Variants in BBS1 observed in about 807,000 individuals in gnomAD.
The protein encoded by BBS1 is Bardet-Biedl syndrome 1.
A neutral mutation model predicts 73.9 loss-of-function variants in BBS1; 60 were observed. That is an observed-to-expected ratio of 0.81 (90% CI 0.66 to 1.01). The LOEUF (loss-of-function observed/expected upper bound fraction) is 1.01. Among genes scored for constraint, BBS1 ranks in the 50% least tolerant of loss-of-function variants. BBS1 has a pLI of 0.00. For synonymous variants in BBS1, 283 were observed against 317.4 expected (o/e 0.89, Z 1.15); for missense variants, 718 against 770.3 (o/e 0.93, Z 0.80).
rs762566248 is a variant in BBS1 at position 66,523,514 on chromosome 11, C to T, written c.889C>T (p.Arg297Trp). 3.0e-5 allele frequency: 49 copies of T among 1,614,082 alleles called. No individual in the cohort carries two copies. The highest frequency in any genetic ancestry group is 1.6e-4 in the Middle Eastern group (1 of 6,062). Reference protein sequence around the residue: ...ELSAQPVGLIRVHKVLVVGST... With the variant: ...ELSAQPVGLIWVHKVLVVGST... ...GAGCGCCCAGCCTGTGGGACTTATC[C>T]GGGTACACAAGGTCCTAGTGGTGGG... The change falls in exon 10 of 17, where the codon CGG becomes TGG. Residue 297 changes from arginine (R) to tryptophan (W), a missense_variant. Transcript: ENST00000318312.
chr11:66,520,191 C>G (rs910763971), intron 8 of BBS1: 2 of 185,638 alleles, frequency 1.1e-5, no homozygotes, highest in African/African-American at 4.7e-5. Flanking sequence ...TAAATAAAAG[C>G]AGGAGGATCA....
intron 3 of BBS1, among the ~76,000 whole-genome samples, chr11:66,512,009 T>C (rs1317355839): frequency 6.8e-6 from 1 of 146,122 alleles, no homozygotes; most frequent in Non-Finnish European, 1.5e-5. Flanking sequence ...AAAAAATATA[T>C]ATATATATAT....
At position 66,526,308 on chromosome 11, in the gene BBS1, T is replaced by C. The variant is rs3819247; in HGVS notation, c.1180+116T>C. 0.24 allele frequency: 260,199 copies of C among 1,074,340 alleles called. 32,964 individuals are homozygous for C. Among genetic ancestry groups the C allele is most frequent in the East Asian group, 0.26 (10,356 of 39,884 alleles). 66.6% of individuals were successfully genotyped at this position (1,074,340 alleles called of 1,614,324 possible). A position where few individuals can be genotyped will look rare whatever the true frequency, so the allele number is the denominator to read the frequency against. Reference sequence around the variant, plus strand: ...CATGGGTGGACCTGGGTGTGGAAAGTAAGGCCTACAGAAGTGTCCTTCTGG... The same window carrying C: ...CATGGGTGGACCTGGGTGTGGAAAGCAAGGCCTACAGAAGTGTCCTTCTGG... On this transcript the variant is annotated intron_variant, in intron 12 of 16. Coordinates refer to ENST00000318312, the MANE Select transcript of BBS1 (RefSeq NM_024649.5).
intron 7 of BBS1, 25 bp downstream of exon 7, chr11:66,515,958 T>A (rs775666093): frequency 6.2e-7 from 1 of 1,612,622 alleles, no homozygotes; most frequent in South Asian, 1.1e-5. Context: ...TCTTTTTATT[T>A]CCCTGTAAAA....
At chr11:66,516,844 G>T (rs1200720506) in intron 7 of BBS1, among the ~76,000 whole-genome samples, 1 of 152,062 alleles carries the variant, frequency 6.6e-6, no homozygotes, top group Non-Finnish European at 1.5e-5. Context: ...GGAATGAGCT[G>T]CTGTGCCCAG....
At chr11:66,525,745 A>G (rs1856462102) in intron 11 of BBS1, among the ~76,000 whole-genome samples, 1 of 152,206 alleles carries the variant, frequency 6.6e-6, no homozygotes, top group South Asian at 2.1e-4. Flanking sequence ...TCAAATGTGG[A>G]AGGCCTTCAG....
chr11:66,530,366 A>G (rs1275137316), intron 14 of BBS1, among the ~76,000 whole-genome samples: 1 of 152,126 alleles, frequency 6.6e-6, no homozygotes, highest in Middle Eastern at 3.2e-3. Context: ...CTCACCCGCA[A>G]GCACCGAGAC....
At chr11:66,526,336 C>G (rs1856489707) in intron 12 of BBS1, 144 bp downstream of exon 12, 2 of 883,428 alleles carry the variant, frequency 2.3e-6, no homozygotes, top group Middle Eastern at 6.4e-4. Flanking sequence ...CCTTCTGGAG[C>G]TAGGCCTCCA....
At chr11:66,526,918 A>G (rs1856536872) in intron 13 of BBS1, 111 bp downstream of exon 13, 4 of 1,605,546 alleles carry the variant, frequency 2.5e-6, no homozygotes, top group African/African-American at 1.3e-5. Context: ...ATCTCGGCCA[A>G]CTAGGTAGGT....
chr11:66,518,906 T>C (rs1671065), intron 7 of BBS1, among the ~76,000 whole-genome samples: 99,174 of 151,906 alleles, frequency 0.65, 33,863 homozygotes, highest in African/African-American at 0.86. Flanking sequence ...TACAGATGCA[T>C]GCCATCGCAC....
In BBS1 at chr11:66,519,632, A is replaced by G. The variant is rs1369381964; in HGVS notation, c.607A>G (p.Met203Val). The change falls in exon 8 of 17, where the codon ATG (methionine) becomes GTG (valine). Residue 203 changes from methionine to valine, a missense_variant. Physicochemically the swap from Met to Val is conservative, Grantham distance 21 (BLOSUM62 1). Transcript: ENST00000318312. ...SIKRQTVITT[M>V]TTLKKNLADE... ...CCTTCTGTAGACAGTCATCACCACC[A>G]TGACCACCTTGAAGAAGAACCTGGC... 1 of 1,613,860 alleles carries G rather than the reference A, an allele frequency of 6.2e-7. No individual in the cohort carries two copies. The highest frequency in any genetic ancestry group is 2.2e-5 in the East Asian group (1 of 44,852).
intron 12 of BBS1, among the ~76,000 whole-genome samples, 155 bp downstream of exon 12, chr11:66,526,347 C>T (rs1443419798): frequency 6.6e-6 from 1 of 152,338 alleles, no homozygotes; most frequent in East Asian, 1.9e-4. Flanking sequence ...TAGGCCTCCA[C>T]TGGGACAGCC....
intron 9 of BBS1, 89 bp from the exon 10 acceptor site, chr11:66,523,367 T>A: frequency 6.3e-7 from 1 of 1,580,556 alleles, no homozygotes; most frequent in Non-Finnish European, 8.7e-7. Flanking sequence ...TCCTCCCAGG[T>A]GAGTCCATGA....
chr11:66,527,119 G>T, intron 13 of BBS1: 1 of 1,124,300 alleles, frequency 8.9e-7, no homozygotes, highest in Non-Finnish European at 1.3e-6. Flanking sequence ...GCTCACGCCT[G>T]TAATCCCAAC....
chr11:66,531,162 C>T lies in BBS1; in HGVS notation c.1608+134C>T, dbSNP rs146349114. 1.7e-3 allele frequency: 2,095 copies of T among 1,255,180 alleles called. 10 individuals are homozygous for T. Among genetic ancestry groups the T allele is most frequent in the Non-Finnish European group, 1.7e-3 (1,521 of 887,116 alleles). The allele number at this position is 1,255,180 out of a possible 1,614,324, so 77.8% of individuals were successfully genotyped here. ...CCAGGTGGCCAGCAGACCTACTCTC[C>T]CACCACAGACCAGGCCAAGGCCCCA... On this transcript the variant is annotated intron_variant, in intron 15 of 16. Coordinates refer to ENST00000318312, the MANE Select transcript of BBS1 (RefSeq NM_024649.5).
intron 4 of BBS1, among the ~76,000 whole-genome samples, 159 bp downstream of exon 4, chr11:66,514,837 C>T (rs1209075532): frequency 6.0e-5 from 9 of 149,976 alleles, no homozygotes; most frequent in Non-Finnish European, 7.4e-5. Flanking sequence ...TTTTTTGAGA[C>T]GGAGTTTCAC....
chr11:66,514,675 A>G lies in BBS1; in HGVS notation c.429A>G (p.Lys143=). The change falls in exon 4 of 17, where the codon AAA becomes AAG. Residue 143 remains lysine (K), a synonymous_variant. Transcript: ENST00000318312. The part of the protein sequence containing the change: ...PLEQDLWNQA[K]EDRIDPLTLK... ...AACAAGACCTTTGGAACCAGGCCAA[A>G]GAGGTAAATAAATAACATGGGAGTT... 6.2e-7 allele frequency: 1 copy of G among 1,611,172 alleles called. No individual in the cohort carries two copies. Among genetic ancestry groups the G allele is most frequent in the Non-Finnish European group, 8.5e-7 (1 of 1,180,008 alleles).
chr11:66,515,515 A>C (rs773098844), intron 4 of BBS1, 25 bp from the exon 5 acceptor site: 1 of 1,613,904 alleles, frequency 6.2e-7, no homozygotes, highest in South Asian at 1.1e-5. Flanking sequence ...TTGAGCTCAC[A>C]GGCTCTCTTC....
chr11:66,512,507 C>T (rs549750118), intron 3 of BBS1, among the ~76,000 whole-genome samples: 2 of 152,230 alleles, frequency 1.3e-5, no homozygotes, highest in East Asian at 1.9e-4. Context: ...TAGTGAGTCC[C>T]TACTGTGTGT....
Sources: allele counts gnomAD v4.1 joint callset (sites outside exome capture counted in the v4.1 genomes callset), GRCh38; gene constraint gnomAD v4.1.1; transcripts MANE v1.5; gene names NCBI Gene and HGNC (gene_info 2026-07-23, HGNC 2026-07-21).